SI: variants seen among roughly 807,000 people sequenced by gnomAD.
SI encodes sucrase-isomaltase, intestinal.
Under a neutral mutation model 253.3 loss-of-function variants are expected in SI, and 235 were observed. The observed-to-expected ratio is 0.93, with a 90% confidence interval of 0.83 to 1.03. SI has a LOEUF of 1.03. SI is among the 50% of genes least tolerant of loss of function. The pLI, the probability that SI is intolerant of heterozygous loss-of-function variation, is 0.00. For synonymous variants in SI, 819 were observed against 712.0 expected, an observed-to-expected ratio of 1.15 and a Z score of -2.39; for missense variants, 2,442 against 2,211.1, an observed-to-expected ratio of 1.10 and a Z score of -2.09.
At chr3:165,065,134 A>G (rs1714171685) in intron 7 of SI, 127 bp downstream of exon 7, 7 of 644,362 alleles carry the variant, frequency 1.1e-5, no homozygotes, top group South Asian at 8.0e-5. Flanking sequence ...AAGCTTCTAT[A>G]TTGGTATCAG....
intron 35 of SI, 72 bp downstream of exon 35, chr3:165,009,207 G>A (rs1718655554): frequency 1.3e-5 from 13 of 985,974 alleles, no homozygotes; most frequent in Non-Finnish European, 2.0e-5. Context: ...CATTATTTGA[G>A]CCAAGTACTA....
At chr3:165,060,132 T>C in intron 9 of SI, 105 bp from the exon 10 acceptor site, 1 of 976,070 alleles carries the variant, frequency 1.0e-6, no homozygotes, top group East Asian at 2.6e-5. Context: ...CTAAAATTCA[T>C]TTAAGTTTAT....
At chr3:165,029,314 A>G (rs1712094859) in intron 25 of SI, among the ~76,000 whole-genome samples, 1 of 150,842 alleles carries the variant, frequency 6.6e-6, no homozygotes, top group South Asian at 2.1e-4. Flanking sequence ...AAAAGGGGAC[A>G]CTTCTACACT....
At position 165,046,959 on chromosome 3, in the gene SI, G is replaced by T; in HGVS notation, c.1769C>A (p.Thr590Lys). 6.2e-7 allele frequency: 1 copy of T among 1,612,206 alleles called. No homozygotes were observed. The highest frequency in any genetic ancestry group is 8.5e-7 in the Non-Finnish European group (1 of 1,179,114). The change falls in exon 16 of 48, where the codon ACA (threonine) becomes AAA (lysine). Residue 590 changes from threonine (T) to lysine (K), a missense_variant. Physicochemically the swap from Thr to Lys is moderately conservative, Grantham distance 78. Coordinates refer to ENST00000264382, the MANE Select transcript of SI (RefSeq NM_001041.4). ...AGCATGTCTTCCAGATCCAGCAAAT[G>T]TTGAGCGGGTAAGAATGAAGCTTCT... ...NKRSFILTRS[T>K]FAGSGRHAAH...
chr3:165,015,292 A>C, intron 32 of SI, 59 bp from the exon 33 acceptor site: 1 of 1,143,174 alleles, frequency 8.7e-7, no homozygotes, highest in Admixed American at 1.7e-5. Context: ...CTACTTGGAC[A>C]GTGATTATGA....
At chr3:165,053,990 T>C (rs963058102) in intron 13 of SI, among the ~76,000 whole-genome samples, 6 of 152,176 alleles carry the variant, frequency 3.9e-5, no homozygotes, top group African/African-American at 1.4e-4. Context: ...ATTTTGTTAC[T>C]GTCATCATAG....
At chr3:164,994,461 T>C (rs985195442) in intron 40 of SI, 56 bp from the exon 41 acceptor site, 7 of 1,543,884 alleles carry the variant, frequency 4.5e-6, no homozygotes, top group Non-Finnish European at 6.2e-6. Context: ...TAAGTCATAA[T>C]ATTCATATTC....
chr3:165,026,683 C>A lies in SI; in HGVS notation c.2893-2907G>T, dbSNP rs375590394. Among the ~76,000 whole-genome samples the A allele has an allele frequency of 2.6e-5, 4 of 151,382 alleles. No homozygotes were observed. In the East Asian group the frequency reaches 5.8e-4, roughly 22 times the overall value. On this transcript the variant is annotated intron_variant, in intron 25 of 47. Transcript: ENST00000264382. Reference sequence around the variant, plus strand: ...TCCAAAAGGAACCTTCAAAACCATGCAAATACATGCAAATTAAATAATATG... The same window carrying A: ...TCCAAAAGGAACCTTCAAAACCATGAAAATACATGCAAATTAAATAATATG...
chr3:164,984,273 A>G (rs977324029), intron 45 of SI, among the ~76,000 whole-genome samples: 3 of 152,066 alleles, frequency 2.0e-5, no homozygotes, highest in African/African-American at 7.2e-5. Context: ...ACTTATACAC[A>G]TCAGGGCTGT....
In SI at chr3:165,059,038, A is replaced by G; in HGVS notation, c.1323T>C (p.Tyr441=). The change falls in exon 12 of 48, where the codon TAT becomes TAC. Residue 441 remains tyrosine, a synonymous_variant. Coordinates refer to ENST00000264382, the MANE Select transcript of SI (RefSeq NM_001041.4). ...GTGTGTTTCCCCTCTCATAGGTTGC[A>G]TATGTTGTTCCATTGGCACGTCGAC... ...SIGRRANGTT[Y]ATYERGNTQH... The G allele has an allele frequency of 1.2e-6, 2 of 1,612,600 alleles. No homozygotes were observed. Among genetic ancestry groups the G allele is most frequent in the Non-Finnish European group, 1.7e-6 (2 of 1,179,182 alleles).
intron 25 of SI, among the ~76,000 whole-genome samples, chr3:165,026,009 C>G: frequency 6.6e-6 from 1 of 151,302 alleles, no homozygotes; most frequent in Non-Finnish European, 1.5e-5. Context: ...AAGTAAATGG[C>G]CTAAATGCTC....
rs200451408 is a variant in SI, at chr3:165,019,655, G to A, written c.3370C>T (p.Arg1124Ter). The change falls in exon 28 of 48, where the codon CGA (arginine) becomes TGA (stop). Residue 1124 changes from arginine to a stop codon, truncating the protein, a stop_gained. Coordinates refer to ENST00000264382, the MANE Select transcript of SI (RefSeq NM_001041.4). LOFTEE classifies it high-confidence loss of function. ...FGEVEHTAFK[R>*]DLNWNTWGMF... ...CCCCAAGTATTCCAGTTCAGATCTC[G>A]CTTAAATGCTGTATGTTCCACTTCC... The A allele has an allele frequency of 2.1e-4, 336 of 1,612,436 alleles. No homozygotes were observed. The highest frequency in any genetic ancestry group is 2.7e-4 in the Non-Finnish European group (322 of 1,179,040).
intron 37 of SI, among the ~76,000 whole-genome samples, chr3:165,005,621 G>A (rs190202244): frequency 3.9e-5 from 6 of 152,132 alleles, no homozygotes; most frequent in African/African-American, 1.4e-4. Context: ...TTTAATTATT[G>A]TATACTACTA....
At chr3:165,038,959 G>T in intron 20 of SI, 119 bp downstream of exon 20, 1 of 627,018 alleles carries the variant, frequency 1.6e-6, no homozygotes, top group South Asian at 2.3e-5. Flanking sequence ...TTATAGTAAT[G>T]ACAGAAATTC....
intron 15 of SI, among the ~76,000 whole-genome samples, chr3:165,048,868 C>G (rs747398154): frequency 6.6e-5 from 10 of 151,938 alleles, no homozygotes; most frequent in Non-Finnish European, 1.5e-4. Context: ...GTGCCTGCCT[C>G]GGCCTCCCAA....
intron 47 of SI, 64 bp downstream of exon 47, chr3:164,982,179 A>G (rs1717218918): frequency 1.6e-6 from 2 of 1,224,130 alleles, no homozygotes; most frequent in Admixed American, 3.7e-5. Flanking sequence ...TGAGGGATAT[A>G]AGAAGTCCAT....
Position 165,011,485 on chromosome 3 carries a change from A to G in SI, c.4062+1495T>C, listed in dbSNP as rs77941754. ...GGGAAAGATAAATGGTATGTTTTCT[A>G]TCTTCTCACAATTTTTAAGGCTTGT... On this transcript the variant is annotated intron_variant, in intron 34 of 47. Transcript: ENST00000264382. Among the ~76,000 whole-genome samples the G allele has an allele frequency of 2.6e-5, 4 of 152,082 alleles. No individual in the cohort carries two copies. The East Asian group carries it at 7.7e-4, about 29-fold the overall frequency.
Position 164,982,374 on chromosome 3 carries a change from T to A in SI, c.5284A>T (p.Ile1762Leu). 6.2e-7 allele frequency: 1 copy of A among 1,612,438 alleles called. No individual in the cohort carries two copies. The highest frequency in any genetic ancestry group is 1.1e-5 in the South Asian group (1 of 91,036). ...CCAAGCCTCGTTTCACTTTTATTTATGTAACCTCTCTTCAATATAGTGCTT... is the reference window on the plus strand; with the variant it reads ...CCAAGCCTCGTTTCACTTTTATTTAAGTAACCTCTCTTCAATATAGTGCTT... Reference protein sequence around the residue: ...LTSTILKRGYINKSETRLGSL... With the variant: ...LTSTILKRGYLNKSETRLGSL... Residue 1762 changes from isoleucine (I) to leucine (L), a missense_variant, in exon 47 of 48, where the codon ATA (isoleucine) becomes TTA (leucine). Physicochemically the swap from Ile to Leu is conservative, Grantham distance 5. Coordinates refer to ENST00000264382, the MANE Select transcript of SI (RefSeq NM_001041.4).
At chr3:165,080,942 CTT>C (rs1463429027), upstream of SI, among the ~76,000 whole-genome samples, 2 of 151,378 alleles carry the variant, frequency 1.3e-5, no homozygotes, top group Non-Finnish European at 3.0e-5. Flanking sequence ...AAAAAAAAAA[CTT>C]TGTGTGATTT....
Sources: allele counts gnomAD v4.1 joint callset (sites outside exome capture counted in the v4.1 genomes callset), GRCh38; gene constraint gnomAD v4.1.1; transcripts MANE v1.5; gene names NCBI Gene and HGNC (gene_info 2026-07-23, HGNC 2026-07-21).